Variants in COL6A1 observed in about 807,000 individuals in gnomAD.
The protein encoded by COL6A1 is collagen alpha-1(VI) chain.
COL6A1 carries 80 observed loss-of-function variants against 145.6 expected under a neutral mutation model. The ratio of observed to expected loss-of-function variants is 0.55; its 90% CI spans 0.46 to 0.66. The LOEUF is 0.66. Ranked by LOEUF, COL6A1 falls within the 30% of genes least tolerant of loss-of-function variation. The pLI is 0.00. For synonymous variants in COL6A1, 638 were observed against 622.8 expected, an observed-to-expected ratio of 1.02 and a Z score of -0.36; for missense variants, 1,364 against 1,473.8, an observed-to-expected ratio of 0.93 and a Z score of 1.22.
chr21:45,992,895 G>A, intron 19 of COL6A1, 85 bp downstream of exon 19: 1 of 1,242,632 alleles, frequency 8.0e-7, no homozygotes, highest in South Asian at 1.3e-5. Context: ...AGAGCCACAG[G>A]ACACATCATG....
rs775611793 is a variant in COL6A1 at position 45,994,255 on chromosome 21, G to C, written c.1398+26G>C. 1.4e-5 allele frequency: 23 copies of C among 1,601,248 alleles called. 1 individual carries two copies. The Admixed American group carries it at 3.5e-4, about 24-fold the overall frequency. On this transcript the variant is annotated intron_variant, in intron 20 of 34. Transcript: ENST00000361866. The surrounding 1 kb of genome is among the most constrained non-coding windows in gnomAD (Gnocchi z 6.8). Reference sequence around the variant, plus strand: ...GTAGGAAGCGCTGTGGGGTTGGGGGGCGTTGGCCAATTTGGGTTTTGGGGG... The same window carrying C: ...GTAGGAAGCGCTGTGGGGTTGGGGGCCGTTGGCCAATTTGGGTTTTGGGGG...
intron 3 of COL6A1, among the ~76,000 whole-genome samples, chr21:45,985,013 AAGAC>A (rs1458882237): frequency 2.0e-5 from 3 of 148,558 alleles, no homozygotes; most frequent in Admixed American, 1.3e-4. Flanking sequence ...CAGATAGAAA[AAGAC>A]AGAGGCAGAG....
rs998656919 is a variant in COL6A1 at position 46,001,086 on chromosome 21, C to T, written c.1823-167C>T. ...CTGACCAGCCGCCGGACAGAGCAGCCTTTACGGGGCCATGGGAGGGGGTGG... is the reference window on the plus strand; with the variant it reads ...CTGACCAGCCGCCGGACAGAGCAGCTTTTACGGGGCCATGGGAGGGGGTGG... On this transcript the variant is annotated intron_variant, in intron 29 of 34. Coordinates refer to ENST00000361866, the MANE Select transcript of COL6A1 (RefSeq NM_001848.3). The T allele has an allele frequency of 3.0e-6, 3 of 986,842 alleles. No individual in the cohort carries two copies. In the Admixed American group the frequency reaches 6.9e-5, roughly 23 times the overall value. 61.1% of individuals were successfully genotyped at this position (986,842 alleles called of 1,614,324 possible). A position where few individuals can be genotyped will look rare whatever the true frequency, so the allele number is the denominator to read the frequency against.
chr21:45,985,423 G>A (rs771488678), intron 3 of COL6A1, among the ~76,000 whole-genome samples: 10 of 151,970 alleles, frequency 6.6e-5, no homozygotes, highest in Admixed American at 2.0e-4. Flanking sequence ...CAGAGAGACC[G>A]GAAACAGAGG....
chr21:45,986,964 C>A lies in COL6A1; in HGVS notation c.609C>A (p.Ile203=). 1 of 1,551,768 alleles carries A rather than the reference C, an allele frequency of 6.4e-7. No individual in the cohort carries two copies. The highest frequency in any genetic ancestry group is 8.7e-7 in the Non-Finnish European group (1 of 1,150,268). The change falls in exon 5 of 35, where the codon ATC becomes ATA. Residue 203 remains isoleucine (I), a synonymous_variant. Transcript: ENST00000361866. ...PDHLEPRLSI[I]ATDHTYRRNF... is the part of the protein sequence containing the mutation. ...CCCAGGAGCCGCGTCTGAGCATCAT[C>A]GCCACGGACCACACGTACCGGCGCA...
rs1311109303 is a variant in COL6A1 at position 45,987,039 on chromosome 21, C to T, written c.684C>T (p.Ile228=). 1.3e-6 allele frequency: 2 copies of T among 1,552,874 alleles called. No individual in the cohort carries two copies. Among genetic ancestry groups the T allele is most frequent in the Non-Finnish European group, 8.7e-7 (1 of 1,148,496 alleles). The change falls in exon 5 of 35, where the codon ATC becomes ATT. Residue 228 remains isoleucine, a synonymous_variant. Transcript: ENST00000361866. The part of the protein sequence containing the change: ...WGQSRDAEEA[I]SQTIDTIVDM... ...AGAGCCGCGACGCAGAGGAGGCCAT[C>T]AGCCAGACCATCGACACCATCGTGG...
chr21:46,002,492 A>G, intron 32 of COL6A1, 35 bp from the exon 33 acceptor site: 1 of 1,613,232 alleles, frequency 6.2e-7, no homozygotes, highest in Admixed American at 1.7e-5. Context: ...AGGGCAGAGC[A>G]GGCTGCGCCA....
chr21:45,994,280 G>C lies in COL6A1; in HGVS notation c.1398+51G>C. The C allele has an allele frequency of 6.5e-7, 1 of 1,545,416 alleles. No homozygotes were observed. On this transcript the variant is annotated intron_variant, in intron 20 of 34. Transcript: ENST00000361866. This position sits in a 1 kb window ranked among gnomAD's most constrained non-coding sequence, Gnocchi z 6.8. ...GCGTTGGCCAATTTGGGTTTTGGGG[G>C]TAGAAGTGCTCCAGCAGCTCACGCA...
chr21:45,987,370 G>T, intron 6 of COL6A1, 129 bp from the exon 7 acceptor site: 1 of 1,496,368 alleles, frequency 6.7e-7, no homozygotes, highest in Non-Finnish European at 9.2e-7. Flanking sequence ...ATGTGCCTGG[G>T]ACATGTGTCC....
rs755009917 is a variant in COL6A1, at chr21:46,001,402, G to A, written c.1956+16G>A. The A allele has an allele frequency of 8.7e-6, 14 of 1,606,860 alleles. No homozygotes were observed. The East Asian group carries it at 8.9e-5, about 10-fold the overall frequency. ...GCTGGTCAAGGTGAGGCCTCGCCCC[G>A]CCCGGCTTTCTCAAGCCCAGGTGCA... On this transcript the variant is annotated intron_variant, in intron 30 of 34. Transcript: ENST00000361866.
chr21:45,990,164 G>T, intron 11 of COL6A1, 94 bp from the exon 12 acceptor site: 2 of 1,476,818 alleles, frequency 1.4e-6, no homozygotes, highest in South Asian at 1.1e-5. Context: ...CGGGTTGGGG[G>T]CACCCAAGCC....
rs2123473081 is a variant in COL6A1, at chr21:45,990,788, C to T, written c.1018C>T (p.Pro340Ser). 1 of 1,613,338 alleles carries T rather than the reference C, an allele frequency of 6.2e-7. No individual in the cohort carries two copies. Among genetic ancestry groups the T allele is most frequent in the Non-Finnish European group, 8.5e-7 (1 of 1,179,982 alleles). The change falls in exon 14 of 35, where the codon CCA becomes TCA. Residue 340 changes from proline to serine, a missense_variant. Around this residue, in one of 3 missense-constraint regions of COL6A1, gnomAD observed 938 missense variants for 1,003.8 expected, o/e 0.93. Transcript: ENST00000361866. ...VDGVKGEMGY[P>S]GLPGCKGSPG... Reference sequence around the variant, plus strand: ...CTCTTTCCAGGGGGAGATGGGGTACCCAGGCCTGCCAGGCTGCAAGGGCTC... The same window carrying T: ...CTCTTTCCAGGGGGAGATGGGGTACTCAGGCCTGCCAGGCTGCAAGGGCTC...
intron 3 of COL6A1, among the ~76,000 whole-genome samples, chr21:45,985,606 G>A (rs902069896): frequency 1.3e-5 from 2 of 152,264 alleles, no homozygotes; most frequent in African/African-American, 4.8e-5. Flanking sequence ...GGGACGCAGG[G>A]GCCGCAAGCC....
Position 45,998,379 on chromosome 21 carries a change from C to T in COL6A1, c.1576-19C>T. The T allele has an allele frequency of 3.1e-6, 5 of 1,613,176 alleles. No individual in the cohort carries two copies. Among genetic ancestry groups the T allele is most frequent in the Non-Finnish European group, 3.4e-6 (4 of 1,179,986 alleles). On this transcript the variant is annotated intron_variant, in intron 23 of 34. Transcript: ENST00000361866. The stretch of plus-strand genomic sequence containing the variant: ...CTCAAATCAGAACCCGGTATCACTG[C>T]CCTGCTTTTCCATGACAGGGGTATC...
chr21:45,997,138 G>A (rs562805451), intron 20 of COL6A1, among the ~76,000 whole-genome samples: 12 of 128,820 alleles, frequency 9.3e-5, no homozygotes, highest in African/African-American at 3.0e-4. Flanking sequence ...GGCACCAGCC[G>A]GGCGCCCACC....
chr21:45,989,801 G>C, intron 11 of COL6A1, 23 bp downstream of exon 11: 1 of 1,612,772 alleles, frequency 6.2e-7, no homozygotes, highest in Non-Finnish European at 8.5e-7. Context: ...CGACCTCGGA[G>C]CTGGTCTCTC....
At position 45,984,353 on chromosome 21, in the gene COL6A1, G is replaced by T. The variant is rs1364102125; in HGVS notation, c.312G>T (p.Thr104=). The T allele has an allele frequency of 1.2e-6, 2 of 1,612,594 alleles. No individual in the cohort carries two copies. The highest frequency in any genetic ancestry group is 1.7e-6 in the Non-Finnish European group (2 of 1,179,866). The part of the protein sequence containing the change: ...SDEVEIIQGL[T]RMPGGRDALK... ...AGGTGGAGATCATCCAAGGCCTCACGCGCATGCCTGGCGGCCGCGACGCAC... is the reference window on the plus strand; with the variant it reads ...AGGTGGAGATCATCCAAGGCCTCACTCGCATGCCTGGCGGCCGCGACGCAC... The change falls in exon 3 of 35, where the codon ACG becomes ACT. Residue 104 remains threonine (T), a synonymous_variant. Coordinates refer to ENST00000361866, the MANE Select transcript of COL6A1 (RefSeq NM_001848.3).
Position 46,004,231 on chromosome 21 carries a change from G to A in COL6A1, c.*218G>A. The A allele has an allele frequency of 1.6e-6, 1 of 634,562 alleles. No homozygotes were observed. The highest frequency in any genetic ancestry group is 2.7e-6 in the Non-Finnish European group (1 of 368,898). 39.3% of individuals were successfully genotyped at this position (634,562 alleles called of 1,614,324 possible). Reference sequence around the variant, plus strand: ...GGCATCACCTGCGCAGGGCCCTCTGGGGCTCAGCCCTGAGCTAGTGTCACC... The same window carrying A: ...GGCATCACCTGCGCAGGGCCCTCTGAGGCTCAGCCCTGAGCTAGTGTCACC... On this transcript the variant is annotated 3_prime_UTR_variant, in exon 35 of 35. Transcript: ENST00000361866.
chr21:45,998,839 C>T (rs2077821700), intron 24 of COL6A1, 58 bp from the exon 25 acceptor site: 1 of 1,527,372 alleles, frequency 6.5e-7, no homozygotes, highest in Non-Finnish European at 8.9e-7. Flanking sequence ...TTTAAAATTT[C>T]CACTTCCTAA....
Sources: allele counts gnomAD v4.1 joint callset (sites outside exome capture counted in the v4.1 genomes callset), GRCh38; gene constraint gnomAD v4.1.1; regional missense constraint gnomAD v4.1.1; non-coding constraint Gnocchi (gnomAD v3.1); transcripts MANE v1.5; gene names NCBI Gene and HGNC (gene_info 2026-07-23, HGNC 2026-07-21).